The following HERC3 variants were observed in gnomAD, a reference collection of about 807,000 sequenced individuals.
HERC3 encodes the protein HECT and RLD domain containing E3 ubiquitin protein ligase 3.
In HERC3, 58 loss-of-function variants were observed where a neutral mutation model predicts 129.9. That is an observed-to-expected ratio of 0.45 (90% CI 0.36 to 0.56). HERC3 has a LOEUF of 0.56. Among genes scored for constraint, HERC3 ranks in the 20% least tolerant of loss-of-function variants. The probability of loss-of-function intolerance (pLI) is 0.00; values close to 1 mark genes in which losing one functional copy is unlikely to be tolerated. For missense variants in HERC3, 835 were observed against 1,244.2 expected (o/e 0.67, Z 4.95); for synonymous variants, 430 against 451.0 (o/e 0.95, Z 0.59).
chr4:88,568,474 A>C, the HERC3 span, among the ~76,000 whole-genome samples: 15 of 152,122 alleles, frequency 9.9e-5, no homozygotes, highest in Admixed American at 9.2e-4. Flanking sequence ...ACTGTGGCTG[A>C]GCTGGCCCCT....
At chr4:88,542,767 G>A in the HERC3 span, among the ~76,000 whole-genome samples, 1 of 152,186 alleles carries the variant, frequency 6.6e-6, no homozygotes, top group Non-Finnish European at 1.5e-5. Context: ...TCCCTGGGAT[G>A]CAAGGCTGGT....
At chr4:88,627,863 C>T (rs1280908596) in intron 3 of HERC3, among the ~76,000 whole-genome samples, 3 of 143,084 alleles carry the variant, frequency 2.1e-5, no homozygotes, top group Admixed American at 1.5e-4. Context: ...GAGATCACGC[C>T]ATTGCACTTC....
intron 21 of HERC3, among the ~76,000 whole-genome samples, chr4:88,682,882 C>G (rs535467383): frequency 1.5e-4 from 23 of 152,112 alleles, no homozygotes; most frequent in African/African-American, 5.6e-4. Context: ...GTTCTAGATC[C>G]CTGAGGAATC....
chr4:88,580,129 C>T, the HERC3 span, among the ~76,000 whole-genome samples: 1 of 149,600 alleles, frequency 6.7e-6, no homozygotes, highest in Non-Finnish European at 1.5e-5. Flanking sequence ...ATGTGAAAGA[C>T]ATTATAAATA....
At chr4:88,630,312 C>T (rs1726599123) in intron 3 of HERC3, among the ~76,000 whole-genome samples, 1 of 152,140 alleles carries the variant, frequency 6.6e-6, no homozygotes, top group South Asian at 2.1e-4. Flanking sequence ...GTTTCCCCCT[C>T]CTTTGATATG....
intron 3 of HERC3, among the ~76,000 whole-genome samples, chr4:88,613,925 A>G (rs1560676694): frequency 6.7e-6 from 1 of 149,830 alleles, no homozygotes; most frequent in Non-Finnish European, 1.5e-5. Context: ...AGAAACTGTC[A>G]TTTAATAATT....
the HERC3 span, among the ~76,000 whole-genome samples, chr4:88,563,037 G>GA: frequency 6.6e-6 from 1 of 152,152 alleles, no homozygotes; most frequent in Non-Finnish European, 1.5e-5. Context: ...CATATGTAAA[G>GA]AATGTCATTG....
the HERC3 span, chr4:88,583,951 A>C: frequency 1.3e-5 from 2 of 152,258 alleles, no homozygotes; most frequent in African/African-American, 4.8e-5. Context: ...GACAGATGCC[A>C]TAGCTACACT....
At chr4:88,554,285 C>CA in the HERC3 span, among the ~76,000 whole-genome samples, 1 of 144,096 alleles carries the variant, frequency 6.9e-6, no homozygotes, top group Non-Finnish European at 1.5e-5. Context: ...GTGGAGTTTG[C>CA]AATGACCCGA....
At chr4:88,649,094 C>T (rs1728998646) in intron 3 of HERC3, among the ~76,000 whole-genome samples, 2 of 152,112 alleles carry the variant, frequency 1.3e-5, no homozygotes, top group Admixed American at 1.3e-4. Flanking sequence ...TCATTTCCTT[C>T]TGTTTATGTT....
At chr4:88,686,189 A>G (rs1286093039) in intron 21 of HERC3, among the ~76,000 whole-genome samples, 1 of 152,166 alleles carries the variant, frequency 6.6e-6, no homozygotes, top group East Asian at 1.9e-4. Flanking sequence ...GTGTGGCCCA[A>G]GGCAATTCTT....
chr4:88,579,219 TAAAAAAAAA>T, the HERC3 span, among the ~76,000 whole-genome samples: 1 of 117,080 alleles, frequency 8.5e-6, no homozygotes, highest in African/African-American at 4.5e-5. Flanking sequence ...CTGTCTCTAC[TAAAAAAAAA>T]AAAAATATAT....
chr4:88,615,476 A>G (rs1202961187), intron 3 of HERC3, among the ~76,000 whole-genome samples: 1 of 152,212 alleles, frequency 6.6e-6, no homozygotes, highest in Non-Finnish European at 1.5e-5. Flanking sequence ...TTATTAAAAT[A>G]TGCATTGAAA....
intron 3 of HERC3, among the ~76,000 whole-genome samples, chr4:88,614,199 G>T (rs1342274955): frequency 4.6e-5 from 7 of 152,100 alleles, no homozygotes; most frequent in African/African-American, 1.4e-4. Context: ...TTTCTGATAT[G>T]CTTAGCATTT....
chr4:88,693,180 T>C (rs1734248318), intron 23 of HERC3: 1 of 984,344 alleles, frequency 1.0e-6, no homozygotes. Context: ...TGTTCTTTTT[T>C]ATTCCTCTTT....
At chr4:88,660,174 C>T (rs1036774702) in intron 10 of HERC3, among the ~76,000 whole-genome samples, 11 of 151,998 alleles carry the variant, frequency 7.2e-5, no homozygotes, top group Admixed American at 6.6e-4. Flanking sequence ...CTTAAAGAAC[C>T]AAGAAAAAGC....
In HERC3 at chr4:88,636,115, G is replaced by A. The variant is rs548469808; in HGVS notation, c.227-13725G>A. On this transcript the variant is annotated intron_variant, in intron 3 of 25. Transcript: ENST00000402738. ...TTACCATGCAAAATAACCAGCTAGCGTCATGATGACAGGATCAAATTCACA... is the reference window on the plus strand; with the variant it reads ...TTACCATGCAAAATAACCAGCTAGCATCATGATGACAGGATCAAATTCACA... 3.9e-4 allele frequency among the ~76,000 whole-genome samples: 59 copies of A among 152,212 alleles called. 2 individuals carry two copies. Among genetic ancestry groups the A allele is most frequent in the Middle Eastern group, 6.8e-3 (2 of 294 alleles).
intron 4 of HERC3, among the ~76,000 whole-genome samples, chr4:88,651,687 G>C (rs572615827): frequency 1.3e-5 from 2 of 152,118 alleles, no homozygotes; most frequent in Admixed American, 1.3e-4. Flanking sequence ...AATTGTTGAA[G>C]CAATTCTCTG....
intron 4 of HERC3, among the ~76,000 whole-genome samples, chr4:88,651,446 C>T (rs1340633244): frequency 3.3e-5 from 5 of 152,140 alleles, no homozygotes; most frequent in Non-Finnish European, 5.9e-5. Context: ...TGACCTTGGG[C>T]AGGTTAACTT....
Sources: gnomAD v4.1 joint callset for allele counts (sites outside exome capture counted in the v4.1 genomes callset) on GRCh38, gnomAD v4.1.1 for gene constraint, MANE v1.5 for transcripts, NCBI Gene and HGNC (gene_info 2026-07-23, HGNC 2026-07-21) for gene names.